SVEP1: variants seen among roughly 807,000 people sequenced by gnomAD.
The protein encoded by SVEP1 is sushi, von Willebrand factor type A, EGF and pentraxin domain-containing protein 1.
In SVEP1, 164 loss-of-function variants were observed where a neutral mutation model predicts 367.3. The ratio of observed to expected loss-of-function variants is 0.45; its 90% confidence interval spans 0.39 to 0.51. The LOEUF is 0.51. Among genes scored for constraint, SVEP1 ranks in the 20% least tolerant of loss-of-function variants. The pLI, the probability that SVEP1 is intolerant of heterozygous loss-of-function variation, is 0.00. For missense variants in SVEP1, 4,117 were observed against 4,425.3 expected (o/e 0.93, Z 1.98); for synonymous variants, 1,666 against 1,611.6 (o/e 1.03, Z -0.81).
intron 31 of SVEP1, 84 bp from the exon 32 acceptor site, chr9:110,432,118 C>T (rs1444089871): frequency 2.8e-6 from 4 of 1,422,040 alleles, no homozygotes; most frequent in Middle Eastern, 1.8e-4. Context: ...TAAATCATTA[C>T]ATATCACGTA....
At chr9:110,470,324 C>T (rs1828996605) in intron 16 of SVEP1, among the ~76,000 whole-genome samples, 1 of 152,008 alleles carries the variant, frequency 6.6e-6, no homozygotes, top group Non-Finnish European at 1.5e-5. Flanking sequence ...GAATTATACA[C>T]TTTAAAATGG....
chr9:110,391,178 A>G (rs1001827226), intron 40 of SVEP1, among the ~76,000 whole-genome samples: 2 of 152,152 alleles, frequency 1.3e-5, no homozygotes, highest in Non-Finnish European at 2.9e-5. Flanking sequence ...ATCAGTACCA[A>G]ATAAGATCCA....
At chr9:110,380,095 A>G (rs1049720056) in intron 43 of SVEP1, among the ~76,000 whole-genome samples, 1 of 152,230 alleles carries the variant, frequency 6.6e-6, no homozygotes, top group Non-Finnish European at 1.5e-5. Context: ...CCTCTTTTCA[A>G]TACTGTAAAA....
chr9:110,414,173 T>C lies in SVEP1; in HGVS notation c.5976-2438A>G, dbSNP rs569083889. Among the ~76,000 whole-genome samples, 23 of 152,200 alleles carry C rather than the reference T, an allele frequency of 1.5e-4. 1 individual carries two copies. Among genetic ancestry groups the C allele is most frequent in the Non-Finnish European group, 2.6e-4 (18 of 68,034 alleles). On this transcript the variant is annotated intron_variant, in intron 36 of 47. Coordinates refer to ENST00000374469, the MANE Select transcript of SVEP1 (RefSeq NM_153366.4). ...TAATACAAATTATTTGACCCACCCATTAGCAAAGATTAATTCATTAGTTAT... is the reference window on the plus strand; with the variant it reads ...TAATACAAATTATTTGACCCACCCACTAGCAAAGATTAATTCATTAGTTAT...
intron 5 of SVEP1, among the ~76,000 whole-genome samples, chr9:110,507,727 TTGAG>T (rs1829646940): frequency 6.6e-6 from 1 of 152,228 alleles, no homozygotes; most frequent in Non-Finnish European, 1.5e-5. Context: ...TTGACTTTTA[TTGAG>T]TGTGTCCTTC....
At chr9:110,409,442 GA>G (rs963013784) in intron 37 of SVEP1, among the ~76,000 whole-genome samples, 1 of 151,972 alleles carries the variant, frequency 6.6e-6, no homozygotes, top group Admixed American at 6.5e-5. Flanking sequence ...AGAAAAGAAA[GA>G]AAAAAAGAAA....
intron 6 of SVEP1, among the ~76,000 whole-genome samples, 197 bp from the exon 7 acceptor site, chr9:110,499,435 A>G (rs1384300996): frequency 6.6e-6 from 1 of 152,110 alleles, no homozygotes; most frequent in Non-Finnish European, 1.5e-5. Context: ...ATCTTTTGCT[A>G]TTTTTGCCAG....
chr9:110,416,395 A>G (rs777451633), intron 36 of SVEP1, among the ~76,000 whole-genome samples: 8 of 152,030 alleles, frequency 5.3e-5, no homozygotes, highest in Non-Finnish European at 7.3e-5. Flanking sequence ...ACATATTCAA[A>G]AACAGGCTAC....
At chr9:110,563,496 T>C (rs1006469414) in intron 1 of SVEP1, among the ~76,000 whole-genome samples, 1 of 152,204 alleles carries the variant, frequency 6.6e-6, no homozygotes, top group Non-Finnish European at 1.5e-5. Flanking sequence ...TTGAATTAAA[T>C]TTATTCACAA....
Position 110,496,828 on chromosome 9 carries a change from T to C in SVEP1, c.1787A>G (p.Asn596Ser). The stretch of plus-strand genomic sequence containing the variant: ...CACAAACCTTACCTTTTCACCAGAG[T>C]TGTCTTTAGCTGTTGGAATCTGCCA... ...VTWQIPTAKD[N>S]SGEKVSVHVH... Residue 596 changes from asparagine to serine, a missense_variant, in exon 8 of 48, where the codon AAC (asparagine) becomes AGC (serine). Coordinates refer to ENST00000374469, the MANE Select transcript of SVEP1 (RefSeq NM_153366.4). 1 of 1,554,968 alleles carries C rather than the reference T, an allele frequency of 6.4e-7. No homozygotes were observed.
At chr9:110,572,635 G>A (rs550890870) in intron 1 of SVEP1, among the ~76,000 whole-genome samples, 18 of 151,988 alleles carry the variant, frequency 1.2e-4, no homozygotes, top group South Asian at 8.3e-4. Flanking sequence ...GTCGAGGTGG[G>A]CTGGTCACTT....
chr9:110,407,826 C>G lies in SVEP1; in HGVS notation c.7774G>C (p.Ala2592Pro). Reference protein sequence around the residue: ...CFPGFQVAGHAMQTCEESGWS... With the variant: ...CFPGFQVAGHPMQTCEESGWS... ...CCTGACTCTTCACAGGTCTGCATGG[C>G]ATGACCAGCCACCTGAAACCCAGGG... Residue 2592 changes from alanine to proline, a missense_variant, in exon 38 of 48, where the codon GCC becomes CCC. Ala to Pro is a conservative substitution (Grantham distance 27). This residue lies in a region of SVEP1 where 1,765 missense variants were observed against 1,781.1 expected (regional missense o/e 0.99). Transcript: ENST00000374469. 1.2e-6 allele frequency: 2 copies of G among 1,613,992 alleles called. No individual in the cohort carries two copies. Among genetic ancestry groups the G allele is most frequent in the Non-Finnish European group, 8.5e-7 (1 of 1,179,892 alleles).
intron 3 of SVEP1, among the ~76,000 whole-genome samples, chr9:110,526,313 G>C (rs1588093012): frequency 6.6e-6 from 1 of 151,930 alleles, no homozygotes; most frequent in Admixed American, 6.6e-5. Flanking sequence ...ACTATATAAA[G>C]AACTCTCATA....
chr9:110,436,344 A>G, intron 28 of SVEP1, 36 bp downstream of exon 28: 1 of 1,611,614 alleles, frequency 6.2e-7, no homozygotes, highest in Non-Finnish European at 8.5e-7. Context: ...GTACCTTTGC[A>G]TCTCATTACT....
Position 110,387,415 on chromosome 9 carries a change from A to T in SVEP1, c.9930T>A (p.Ala3310=). ...GTCCAGTCGTCCTGTTTTCAATGTC[A>T]GCTTTCCCATTGAGAAATTCAAGTG... ...ETPLEFLNGK[A]DIENRTTGPN... The change falls in exon 42 of 48, where the codon GCT becomes GCA. Residue 3310 remains alanine (A), a synonymous_variant. Coordinates refer to ENST00000374469, the MANE Select transcript of SVEP1 (RefSeq NM_153366.4). 4 of 1,612,366 alleles carry T rather than the reference A, an allele frequency of 2.5e-6. No individual in the cohort carries two copies. Among genetic ancestry groups the T allele is most frequent in the Non-Finnish European group, 2.5e-6 (3 of 1,179,574 alleles).
chr9:110,432,092 C>T (rs1313395045), intron 31 of SVEP1, 58 bp from the exon 32 acceptor site: 77 of 1,530,494 alleles, frequency 5.0e-5, no homozygotes, highest in Non-Finnish European at 6.7e-5. Flanking sequence ...ATGTATCAAA[C>T]ATCTGTTTTT....
chr9:110,485,177 A>G (rs1410271560), intron 9 of SVEP1, among the ~76,000 whole-genome samples: 1 of 152,216 alleles, frequency 6.6e-6, no homozygotes, highest in Non-Finnish European at 1.5e-5. Context: ...AAGACATGGA[A>G]TCAACCCAAA....
At position 110,450,159 on chromosome 9, in the gene SVEP1, G is replaced by A. The variant is rs755211609; in HGVS notation, c.4003C>T (p.Pro1335Ser). ...QVGGFLCKCP[P>S]GFLGTRCGKN... Reference sequence around the variant, plus strand: ...CCACATCGGGTACCCAAAAATCCAGGTGGGCATTTGCACAAGAATCCCCCA... The same window carrying A: ...CCACATCGGGTACCCAAAAATCCAGATGGGCATTTGCACAAGAATCCCCCA... The change falls in exon 24 of 48, where the codon CCT becomes TCT. Residue 1335 changes from proline (P) to serine (S), a missense_variant. Pro to Ser is a moderately conservative substitution (Grantham distance 74). Coordinates refer to ENST00000374469, the MANE Select transcript of SVEP1 (RefSeq NM_153366.4). The A allele has an allele frequency of 5.0e-6, 8 of 1,613,702 alleles. No individual in the cohort carries two copies. The highest frequency in any genetic ancestry group is 1.3e-5 in the African/African-American group (1 of 74,866).
chr9:110,378,290 C>T (rs898361204), intron 44 of SVEP1, among the ~76,000 whole-genome samples: 3 of 152,204 alleles, frequency 2.0e-5, no homozygotes, highest in East Asian at 1.9e-4. Context: ...GCTCTACATT[C>T]TCTTACATCC....
Sources: allele counts gnomAD v4.1 joint callset (sites outside exome capture counted in the v4.1 genomes callset), GRCh38; gene constraint gnomAD v4.1.1; regional missense constraint gnomAD v4.1.1; transcripts MANE v1.5; gene names NCBI Gene and HGNC (gene_info 2026-07-23, HGNC 2026-07-21).